EI24: variants seen among roughly 807,000 people sequenced by gnomAD.
EI24 encodes etoposide-induced protein 2.4 homolog.
EI24 carries 21 observed loss-of-function variants against 48.6 expected under a neutral mutation model. The ratio of observed to expected loss-of-function variants is 0.43; its 90% confidence interval spans 0.31 to 0.62. The LOEUF (loss-of-function observed/expected upper bound fraction) is 0.62, where lower values mean the gene tolerates loss of function less well. Ranked by LOEUF, EI24 falls within the 20% of genes least tolerant of loss-of-function variation. The probability of loss-of-function intolerance (pLI) is 0.10; values close to 1 mark genes in which losing one functional copy is unlikely to be tolerated. For synonymous variants in EI24, 114 were observed against 145.5 expected (o/e 0.78, Z 1.56); for missense variants, 280 against 410.5 (o/e 0.68, Z 2.75).
intron 9 of EI24, 115 bp from the exon 10 acceptor site, chr11:125,582,231 A>T (rs562872760): frequency 2.1e-6 from 2 of 952,014 alleles, no homozygotes; most frequent in Non-Finnish European, 3.0e-6. Context: ...TTGAGGTTTC[A>T]TCAAGCCATA....
At position 125,578,227 on chromosome 11, in the gene EI24, T is replaced by C; in HGVS notation, c.411T>C (p.Leu137=). The C allele has an allele frequency of 6.2e-7, 1 of 1,613,982 alleles. No homozygotes were observed. Among genetic ancestry groups the C allele is most frequent in the Non-Finnish European group, 8.5e-7 (1 of 1,179,888 alleles). The part of the protein sequence containing the change: ...SALWVLPLFV[L]SKVVNAIWFQ... ...TTTGGGTGCTCCCCTTGTTTGTGCT[T>C]AGCAAAGTGGTGAATGCCATTTGGT... The change falls in exon 6 of 11, where the codon CTT becomes CTC. Residue 137 remains leucine, a synonymous_variant. Coordinates refer to ENST00000278903, the MANE Select transcript of EI24 (RefSeq NM_004879.5).
At chr11:125,571,637 G>A (rs1279915699) in intron 1 of EI24, among the ~76,000 whole-genome samples, 1 of 152,218 alleles carries the variant, frequency 6.6e-6, no homozygotes, top group Non-Finnish European at 1.5e-5. Flanking sequence ...AGCACTTTGG[G>A]AGGCTGAGAT....
intron 1 of EI24, among the ~76,000 whole-genome samples, chr11:125,572,237 C>T (rs566569300): frequency 5.3e-5 from 8 of 151,954 alleles, no homozygotes; most frequent in African/African-American, 1.4e-4. Flanking sequence ...ATGTAAAACC[C>T]CTTGTAAAAA....
chr11:125,582,326 T>C lies in EI24; in HGVS notation c.786-20T>C. 1.1e-5 allele frequency: 4 copies of C among 379,856 alleles called. No homozygotes were observed. Among genetic ancestry groups the C allele is most frequent in the Non-Finnish European group, 1.5e-5 (4 of 275,784 alleles). The allele number at this position is 379,856 out of a possible 1,614,324, so 23.5% of individuals were successfully genotyped here. A position where few individuals can be genotyped will look rare whatever the true frequency, so the allele number is the denominator to read the frequency against. On this transcript the variant is annotated intron_variant, in intron 9 of 10. Coordinates refer to ENST00000278903, the MANE Select transcript of EI24 (RefSeq NM_004879.5). ...TGTTATGAAGGTGACTAATTATTTC[T>C]TTTTTTTTTTTTTAAACAGTGGCTG...
chr11:125,578,541 C>T (rs1300498054), intron 6 of EI24, among the ~76,000 whole-genome samples: 2 of 138,828 alleles, frequency 1.4e-5, no homozygotes, highest in Non-Finnish European at 3.0e-5. Flanking sequence ...CTGGAGTGCA[C>T]TGCAACCTTT....
chr11:125,576,042 G>A (rs1032146784), intron 3 of EI24: 2 of 545,298 alleles, frequency 3.7e-6, no homozygotes. Flanking sequence ...CGCCTACCAC[G>A]GCCTCCCAAA....
rs768225838 is a variant in EI24 at position 125,578,089 on chromosome 11, A to C, written c.317-44A>C. ...GGGGGTTCCGCATTTGGTCTTCTGG[A>C]TTTCCATTTCTCCATTTCTAGTAAC... On this transcript the variant is annotated intron_variant, in intron 5 of 10. Coordinates refer to ENST00000278903, the MANE Select transcript of EI24 (RefSeq NM_004879.5). 2.4e-5 allele frequency: 39 copies of C among 1,611,092 alleles called. 2 individuals carry two copies. In the South Asian group the frequency reaches 4.3e-4, roughly 18 times the overall value.
At chr11:125,576,336 G>T (rs1238580824) in intron 4 of EI24, 21 bp downstream of exon 4, 8 of 1,611,768 alleles carry the variant, frequency 5.0e-6, no homozygotes, top group Non-Finnish European at 6.8e-6. Context: ...TAAATTCCAG[G>T]TGCCTTATAA....
chr11:125,571,694 T>C (rs1454706839), intron 1 of EI24, among the ~76,000 whole-genome samples: 1 of 151,998 alleles, frequency 6.6e-6, no homozygotes, highest in Admixed American at 6.6e-5. Context: ...CTGGCCAACA[T>C]GGCGAAACCC....
chr11:125,580,122 T>C lies in EI24; in HGVS notation c.591T>C (p.His197=). 1 of 1,613,844 alleles carries C rather than the reference T, an allele frequency of 6.2e-7. No individual in the cohort carries two copies. Among genetic ancestry groups the C allele is most frequent in the Non-Finnish European group, 8.5e-7 (1 of 1,179,732 alleles). ...QGMFVSLFPI[H]LVGQLVSLLH... is the part of the protein sequence containing the mutation. The stretch of plus-strand genomic sequence containing the variant: ...TGTTTGTGAGTCTCTTTCCCATCCA[T>C]CTTGTCGGTCAGCTGGTTAGTCTCC... The change falls in exon 8 of 11, where the codon CAT becomes CAC. Residue 197 remains histidine, a synonymous_variant. Transcript: ENST00000278903.
intron 10 of EI24, among the ~76,000 whole-genome samples, chr11:125,582,868 A>T (rs1383696611): frequency 1.3e-5 from 2 of 152,226 alleles, no homozygotes; most frequent in Non-Finnish European, 1.5e-5. Flanking sequence ...TATACAGCAC[A>T]GCTCACTGTT....
chr11:125,579,962 C>T (rs1938925146), intron 7 of EI24, 131 bp from the exon 8 acceptor site: 2 of 740,300 alleles, frequency 2.7e-6, no homozygotes, highest in Admixed American at 2.0e-5. Context: ...CTGTGCCCAC[C>T]CTGCACTCGG....
At chr11:125,576,106 C>A in intron 3 of EI24, 149 bp from the exon 4 acceptor site, 1 of 795,130 alleles carries the variant, frequency 1.3e-6, no homozygotes, top group Non-Finnish European at 2.0e-6. Context: ...TTAGTCTTTT[C>A]TCATTGACTG....
chr11:125,582,268 T>C, intron 9 of EI24, 78 bp from the exon 10 acceptor site: 4 of 1,306,750 alleles, frequency 3.1e-6, no homozygotes, highest in Non-Finnish European at 4.1e-6. Flanking sequence ...CAAAAGAACT[T>C]GGAGCTTCTA....
chr11:125,572,487 T>G lies in EI24; in HGVS notation c.-41T>G, dbSNP rs1389504706. On this transcript the variant is annotated 5_prime_UTR_variant, in exon 2 of 11. Coordinates refer to ENST00000278903, the MANE Select transcript of EI24 (RefSeq NM_004879.5). ...TTCATGATGAGAGATTTGGGGACAC[T>G]TCTCTCTCCTGTGTGTAGTTGATAG... The G allele has an allele frequency of 1.9e-6, 3 of 1,595,466 alleles. No individual in the cohort carries two copies. Among genetic ancestry groups the G allele is most frequent in the African/African-American group, 2.7e-5 (2 of 74,594 alleles).
rs71045108 is a variant in EI24 at position 125,584,229 on chromosome 11, C to CAAAAAAAAAAA, written c.*569_*579dup. 20 of 49,686 alleles carry CAAAAAAAAAAA rather than the reference C, an allele frequency of 4.0e-4. 4 individuals carry two copies. Among genetic ancestry groups the CAAAAAAAAAAA allele is most frequent in the African/African-American group, 7.7e-4 (8 of 10,336 alleles). 3.1% of individuals were successfully genotyped at this position (49,686 alleles called of 1,614,324 possible). A position where few individuals can be genotyped will look rare whatever the true frequency, so the allele number is the denominator to read the frequency against. On this transcript the variant is annotated 3_prime_UTR_variant, in exon 11 of 11. Transcript: ENST00000278903. ...GGTTTTGGTCTCTCTTGCTCCACTG[C>CAAAAAAAAAAA]AAAAAAAAAAAAAAAAAAAAAAAAA...
At chr11:125,580,227 A>T in intron 8 of EI24, 23 bp downstream of exon 8, 1 of 1,539,386 alleles carries the variant, frequency 6.5e-7, no homozygotes, top group Non-Finnish European at 9.0e-7. Context: ...AAAGAAATCC[A>T]GAAAATGGAG....
intron 1 of EI24, chr11:125,570,222 C>T (rs1938483019): frequency 6.6e-6 from 1 of 152,172 alleles, no homozygotes; most frequent in Admixed American, 6.6e-5. Flanking sequence ...CTGAGGTTCA[C>T]TGTAGCTGCC....
In EI24 at chr11:125,575,390, T is replaced by C. The variant is rs1401928711; in HGVS notation, c.170T>C (p.Ile57Thr). 1 of 1,594,170 alleles carries C rather than the reference T, an allele frequency of 6.3e-7. No individual in the cohort carries two copies. The highest frequency in any genetic ancestry group is 1.3e-5 in the African/African-American group (1 of 74,654). ...TTGGCACAGAGAAGAGCCCAGAGTA[T>C]AGAGCGGAAGCAAGAGAGGTAAGGA... The part of the protein sequence containing the change: ...SVLAQRRAQS[I>T]ERKQESEPRI... The change falls in exon 3 of 11, where the codon ATA becomes ACA. Residue 57 changes from isoleucine (I) to threonine (T), a missense_variant. Ile to Thr is a moderately conservative substitution (Grantham distance 89, BLOSUM62 -1). Transcript: ENST00000278903.
Sources: allele counts gnomAD v4.1 joint callset (sites outside exome capture counted in the v4.1 genomes callset), GRCh38; gene constraint gnomAD v4.1.1; transcripts MANE v1.5; gene names NCBI Gene and HGNC (gene_info 2026-07-23, HGNC 2026-07-21).